The following SMARCC1 variants were observed in gnomAD, a reference collection of about 807,000 sequenced individuals.
SMARCC1 encodes the protein SWI/SNF complex subunit SMARCC1.
In SMARCC1, 43 loss-of-function variants were observed where a neutral mutation model predicts 147.4. That is an observed-to-expected ratio of 0.29 (90% CI 0.23 to 0.38). The LOEUF is 0.38. Ranked by LOEUF, SMARCC1 falls within the 10% of genes least tolerant of loss-of-function variation. The probability of loss-of-function intolerance (pLI) is 1.00; values close to 1 mark genes in which losing one functional copy is unlikely to be tolerated. For synonymous variants in SMARCC1, 495 were observed against 484.4 expected, an observed-to-expected ratio of 1.02 and a Z score of -0.29; for missense variants, 1,119 against 1,381.1, an observed-to-expected ratio of 0.81 and a Z score of 3.01.
chr3:47,779,324 G>C (rs1041130827), intron 1 of SMARCC1, among the ~76,000 whole-genome samples: 3 of 152,202 alleles, frequency 2.0e-5, no homozygotes, highest in African/African-American at 7.2e-5. Context: ...TGAAAATGCA[G>C]TATTAAATGC....
chr3:47,654,662 G>C (rs2033234770), intron 21 of SMARCC1, among the ~76,000 whole-genome samples: 1 of 152,210 alleles, frequency 6.6e-6, no homozygotes. Context: ...TTTGTTCTGT[G>C]TCGCAACATG....
chr3:47,684,009 T>G (rs1317052661), intron 14 of SMARCC1, among the ~76,000 whole-genome samples: 1 of 151,220 alleles, frequency 6.6e-6, no homozygotes, highest in Non-Finnish European at 1.5e-5. Flanking sequence ...TCCCAGCACT[T>G]TGGGAGGCCG....
intron 19 of SMARCC1, chr3:47,664,042 C>A: frequency 3.3e-6 from 2 of 597,250 alleles, no homozygotes; most frequent in East Asian, 3.0e-5. Flanking sequence ...GAGGCCCATG[C>A]GTCGTTGGGG....
At chr3:47,611,202 A>G (rs921791631) in intron 25 of SMARCC1, among the ~76,000 whole-genome samples, 1 of 152,248 alleles carries the variant, frequency 6.6e-6, no homozygotes, top group African/African-American at 2.4e-5. Flanking sequence ...AATCATAAGC[A>G]TAAGGAGGGT....
At chr3:47,623,134 CTTTTT>C (rs763911271) in intron 24 of SMARCC1, among the ~76,000 whole-genome samples, 2 of 67,474 alleles carry the variant, frequency 3.0e-5, no homozygotes, top group Non-Finnish European at 5.6e-5. Flanking sequence ...CTACACAAGG[CTTTTT>C]TTTTTTTTTT....
chr3:47,695,960 G>A (rs1172945937), intron 11 of SMARCC1, among the ~76,000 whole-genome samples: 5 of 140,278 alleles, frequency 3.6e-5, no homozygotes, highest in African/African-American at 5.4e-5. Flanking sequence ...CCAGCTACTC[G>A]GGAGGCTGAG....
intron 1 of SMARCC1, among the ~76,000 whole-genome samples, chr3:47,775,112 C>A (rs1039123170): frequency 6.6e-6 from 1 of 151,690 alleles, no homozygotes; most frequent in African/African-American, 2.4e-5. Flanking sequence ...GGCCCATATA[C>A]TTTCAAGTGA....
At chr3:47,625,589 G>A (rs149481675) in intron 24 of SMARCC1, among the ~76,000 whole-genome samples, 138 of 152,206 alleles carry the variant, frequency 9.1e-4, no homozygotes, top group African/African-American at 3.2e-3. Flanking sequence ...GTGGGTTGGG[G>A]TAGGTCAACA....
At chr3:47,704,884 T>C (rs2033972384) in intron 10 of SMARCC1, among the ~76,000 whole-genome samples, 1 of 148,408 alleles carries the variant, frequency 6.7e-6, no homozygotes, top group Non-Finnish European at 1.5e-5. Flanking sequence ...ACCACTGTGC[T>C]CCAGTCTGGG....
At chr3:47,780,100 T>C (rs1343420694) in intron 1 of SMARCC1, among the ~76,000 whole-genome samples, 1 of 151,962 alleles carries the variant, frequency 6.6e-6, no homozygotes, top group East Asian at 1.9e-4. Context: ...AGAAATGTAA[T>C]TTTTCTAGCT....
At chr3:47,634,360 A>G (rs1260210219) in intron 24 of SMARCC1, among the ~76,000 whole-genome samples, 1 of 152,206 alleles carries the variant, frequency 6.6e-6, no homozygotes, top group Non-Finnish European at 1.5e-5. Context: ...TGTAGTTTGA[A>G]TTGGTTCATC....
chr3:47,691,728 G>A (rs568673838), intron 12 of SMARCC1, among the ~76,000 whole-genome samples: 4 of 152,202 alleles, frequency 2.6e-5, no homozygotes, highest in South Asian at 2.1e-4. Context: ...TGCCAGGCCC[G>A]AAAGCTCATG....
intron 5 of SMARCC1, among the ~76,000 whole-genome samples, chr3:47,731,455 T>A (rs545822109): frequency 6.6e-6 from 1 of 152,206 alleles, no homozygotes; most frequent in East Asian, 1.9e-4. Context: ...CTCTGATGAA[T>A]CGCATGTGTT....
Position 47,663,961 on chromosome 3 carries a change from G to A in SMARCC1, c.1900-1369C>T, listed in dbSNP as rs558103372. 5.9e-5 allele frequency: 76 copies of A among 1,283,616 alleles called. No homozygotes were observed. In the African/African-American group the frequency reaches 6.7e-4, roughly 11 times the overall value. 79.5% of individuals were successfully genotyped at this position (1,283,616 alleles called of 1,614,324 possible). On this transcript the variant is annotated intron_variant, in intron 19 of 27. Transcript: ENST00000254480. ...CCCAGGGTCTGGCTTTGAAAGCTCC[G>A]CAGAAATGATTCCAAAACCCAGGAG...
chr3:47,776,218 G>C (rs1576439335), intron 1 of SMARCC1, among the ~76,000 whole-genome samples: 1 of 152,100 alleles, frequency 6.6e-6, no homozygotes, highest in Non-Finnish European at 1.5e-5. Flanking sequence ...TTATCCGCAA[G>C]GTAACTTCAT....
chr3:47,728,538 G>A (rs1283712956), intron 6 of SMARCC1, among the ~76,000 whole-genome samples: 1 of 152,108 alleles, frequency 6.6e-6, no homozygotes, highest in East Asian at 1.9e-4. Flanking sequence ...TTGGACCACT[G>A]ATTTCTAACC....
rs2032545023 is a variant in SMARCC1, at chr3:47,610,283, G to A, written c.2826C>T (p.Phe942=). Residue 942 remains phenylalanine, a synonymous_variant, in exon 26 of 28, where the codon TTC becomes TTT. Coordinates refer to ENST00000254480, the MANE Select transcript of SMARCC1 (RefSeq NM_003074.4). ...RQQLLTERQN[F]HMEQLKYAEL... ...CAGCATACTTCAGCTGTTCCATGTG[G>A]AAGTTTTGGCGTTCAGTAAGCAACT... The A allele has an allele frequency of 6.2e-7, 1 of 1,614,206 alleles. No individual in the cohort carries two copies. Among genetic ancestry groups the A allele is most frequent in the African/African-American group, 1.3e-5 (1 of 75,062 alleles).
chr3:47,588,663 G>A (rs891427890), intron 27 of SMARCC1, among the ~76,000 whole-genome samples: 5 of 151,344 alleles, frequency 3.3e-5, no homozygotes, highest in African/African-American at 1.2e-4. Flanking sequence ...TAAAAAATAA[G>A]CTCCTTCCTG....
At chr3:47,677,592 C>A (rs544182114) in intron 16 of SMARCC1, among the ~76,000 whole-genome samples, 1 of 151,230 alleles carries the variant, frequency 6.6e-6, no homozygotes, top group Non-Finnish European at 1.5e-5. Context: ...TGCTCTGTTG[C>A]GCAGGCTGGA....
Sources: gnomAD v4.1 joint callset for allele counts (sites outside exome capture counted in the v4.1 genomes callset) on GRCh38, gnomAD v4.1.1 for gene constraint, MANE v1.5 for transcripts, NCBI Gene and HGNC (gene_info 2026-07-23, HGNC 2026-07-21) for gene names.